The following CDK11B variants were observed in gnomAD, a reference collection of about 807,000 sequenced individuals.
The protein encoded by CDK11B is cyclin dependent kinase 11B, also known as cyclin-dependent kinase 11B.
A neutral mutation model predicts 84.0 loss-of-function variants in CDK11B; 37 were observed. That is an observed-to-expected ratio of 0.44 (90% CI 0.34 to 0.58). The LOEUF is 0.58. CDK11B is among the 20% of genes least tolerant of loss of function. CDK11B has a pLI of 0.02. For synonymous variants in CDK11B, 269 were observed against 309.8 expected, an observed-to-expected ratio of 0.87 and a Z score of 1.38; for missense variants, 427 against 834.0, an observed-to-expected ratio of 0.51 and a Z score of 6.01.
chr1:1,636,793 G>C lies in CDK11B; in HGVS notation c.1806C>G (p.Tyr602Ter), dbSNP rs776784906. Residue 602 changes from tyrosine (Y) to a stop codon, truncating the protein, a stop_gained, in exon 17 of 20, where the codon TAC becomes TAG. Coordinates refer to ENST00000341832, the MANE Select transcript of CDK11B (RefSeq NM_033486.3). LOFTEE classifies it high-confidence loss of function. ...APELLLGAKE[Y>*]STAVDMWSVG... ...CTGACCACATGTCCACGGCCGTGGAGTATTCCTAAGAGGTCAGGAGAGGTG... is the reference window on the plus strand; with the variant it reads ...CTGACCACATGTCCACGGCCGTGGACTATTCCTAAGAGGTCAGGAGAGGTG... The C allele has an allele frequency of 6.2e-7, 1 of 1,613,900 alleles. No homozygotes were observed. Among genetic ancestry groups the C allele is most frequent in the Admixed American group, 1.7e-5 (1 of 60,014 alleles).
At chr1:1,653,810 C>T (rs1237881851) in intron 3 of CDK11B, among the ~76,000 whole-genome samples, 3 of 137,072 alleles carry the variant, frequency 2.2e-5, no homozygotes, top group Non-Finnish European at 4.6e-5. Context: ...CAGTGAAATC[C>T]GTCTCTACTA....
intron 2 of CDK11B, among the ~76,000 whole-genome samples, chr1:1,656,041 G>C (rs998960679): frequency 2.0e-5 from 3 of 152,182 alleles, no homozygotes; most frequent in African/African-American, 7.2e-5. Context: ...GCTTATATGA[G>C]CCAAAAATGA....
At chr1:1,637,286 A>T in intron 14 of CDK11B, 84 bp from the exon 15 acceptor site, 3 of 1,578,922 alleles carry the variant, frequency 1.9e-6, no homozygotes, top group Non-Finnish European at 2.6e-6. Flanking sequence ...CGGCAGCAAC[A>T]GAGGCTTCTC....
intron 5 of CDK11B, among the ~76,000 whole-genome samples, chr1:1,647,331 T>C (rs1641293523): frequency 6.6e-6 from 1 of 152,298 alleles, no homozygotes; most frequent in South Asian, 2.1e-4. Flanking sequence ...TTTGTAGCAA[T>C]TCTGGATTCT....
chr1:1,654,921 G>A (rs1642537654), intron 3 of CDK11B, among the ~76,000 whole-genome samples: 1 of 151,796 alleles, frequency 6.6e-6, no homozygotes, highest in Non-Finnish European at 1.5e-5. Context: ...GCCTCCCAAA[G>A]TGCTGGGATT....
chr1:1,637,331 G>C (rs2100674394), intron 14 of CDK11B, 77 bp downstream of exon 14: 1 of 1,573,386 alleles, frequency 6.4e-7, no homozygotes, highest in South Asian at 1.1e-5. Flanking sequence ...GGCCCTCCCT[G>C]CAGCACTGTC....
In CDK11B at chr1:1,655,442, C is replaced by G; in HGVS notation, c.154G>C (p.Glu52Gln). 1 of 1,612,788 alleles carries G rather than the reference C, an allele frequency of 6.2e-7. No individual in the cohort carries two copies. The highest frequency in any genetic ancestry group is 8.5e-7 in the Non-Finnish European group (1 of 1,178,944). The change falls in exon 3 of 20, where the codon GAG becomes CAG. Residue 52 changes from glutamate to glutamine, a missense_variant. Around this residue, in one of 12 missense-constraint regions of CDK11B, gnomAD observed 57 missense variants for 62.2 expected, o/e 0.92. Transcript: ENST00000341832. ...ATCTCCATGCGGTGATCTCTCAGCTCCCCCTCCTCAAGGGAATCCCGCTTG... is the reference window on the plus strand; with the variant it reads ...ATCTCCATGCGGTGATCTCTCAGCTGCCCCTCCTCAAGGGAATCCCGCTTG... Reference protein sequence around the residue: ...DSKRDSLEEGELRDHRMEITI... With the variant: ...DSKRDSLEEGQLRDHRMEITI...
At position 1,649,448 on chromosome 1, in the gene CDK11B, C is replaced by T. The variant is rs1267187199; in HGVS notation, c.494+51G>A. The T allele has an allele frequency of 4.5e-6, 6 of 1,323,790 alleles. No homozygotes were observed. The East Asian group carries it at 1.4e-4, about 30-fold the overall frequency. 82.0% of individuals were successfully genotyped at this position (1,323,790 alleles called of 1,614,324 possible). ...ATTCTTCTTCATTTCTAGGATGGGA[C>T]ACACTACCACAGCCCTTTTATAAAG... On this transcript the variant is annotated intron_variant, in intron 5 of 19. Transcript: ENST00000341832.
rs928000775 is a variant in CDK11B at position 1,655,600 on chromosome 1, A to G, written c.112-116T>C. On this transcript the variant is annotated intron_variant, in intron 2 of 19. Coordinates refer to ENST00000341832, the MANE Select transcript of CDK11B (RefSeq NM_033486.3). ...AACATCCCAAAACAAACTTTCATAT[A>G]TACTCTGAATGAGCCAGTGTTATAA... The G allele has an allele frequency of 4.9e-5, 68 of 1,394,696 alleles. 2 individuals carry two copies. Among genetic ancestry groups the G allele is most frequent in the Admixed American group, 1.1e-4 (4 of 37,844 alleles). 86.4% of individuals were successfully genotyped at this position (1,394,696 alleles called of 1,614,324 possible).
In CDK11B at chr1:1,637,179, G is replaced by A. The variant is rs1271422192; in HGVS notation, c.1594C>T (p.Gln532Ter). 1.9e-6 allele frequency: 3 copies of A among 1,613,402 alleles called. No homozygotes were observed. Among genetic ancestry groups the A allele is most frequent in the Non-Finnish European group, 2.5e-6 (3 of 1,179,854 alleles). ...AGGTGTTTCACCCCACGCAGCAGCTGGATCATCAGGGTCTTCACCTCCCCT... is the reference window on the plus strand; with the variant it reads ...AGGTGTTTCACCCCACGCAGCAGCTAGATCATCAGGGTCTTCACCTCCCCT... ...LPGEVKTLMIQLLRGVKHLHD... is the reference protein window; with the variant it reads ...LPGEVKTLMI The change falls in exon 15 of 20, where the codon CAG (glutamine) becomes TAG (stop). Residue 532 changes from glutamine (Q) to a stop codon, truncating the protein, a stop_gained. Transcript: ENST00000341832. LOFTEE classifies it high-confidence loss of function.
chr1:1,637,209 G>T lies in CDK11B; in HGVS notation c.1571-7C>A, dbSNP rs1468233879. 6.2e-7 allele frequency: 1 copy of T among 1,612,896 alleles called. No homozygotes were observed. The highest frequency in any genetic ancestry group is 1.3e-5 in the African/African-American group (1 of 74,890). On this transcript the variant is annotated splice_polypyrimidine_tract_variant and splice_region_variant and intron_variant, in intron 14 of 19. Transcript: ENST00000341832. ...ATCAGGGTCTTCACCTCCCCTGGGA[G>T]GGAGGGAAGCTCCCATGTGGACCTG...
At chr1:1,639,714 C>G (rs1189576008) in intron 11 of CDK11B, among the ~76,000 whole-genome samples, 2 of 152,002 alleles carry the variant, frequency 1.3e-5, no homozygotes, top group Non-Finnish European at 2.9e-5. Flanking sequence ...CCCACAGGCA[C>G]CAAGGAGGGG....
intron 12 of CDK11B, among the ~76,000 whole-genome samples, chr1:1,638,087 CCA>C (rs545690611): frequency 5.6e-4 from 86 of 152,262 alleles, no homozygotes; most frequent in African/African-American, 2.0e-3. Context: ...ACTCAACACA[CCA>C]CAGACACTCA....
chr1:1,658,522 A>G (rs2101055398), intron 1 of CDK11B, among the ~76,000 whole-genome samples: 1 of 145,842 alleles, frequency 6.9e-6, no homozygotes, highest in East Asian at 2.0e-4. Context: ...CCTGCCACTC[A>G]TCAAACACTG....
At chr1:1,644,963 AGCCTGGG>A (rs1326519859) in intron 6 of CDK11B, among the ~76,000 whole-genome samples, 156 bp downstream of exon 6, 4,493 of 148,204 alleles carry the variant, frequency 0.03, 192 homozygotes, top group African/African-American at 0.11. Flanking sequence ...ACCGCACTCC[AGCCTGGG>A]GGACAAGAGC....
rs752740049 is a variant in CDK11B at position 1,655,427 on chromosome 1, G to A, written c.169C>T (p.Arg57Cys). The A allele has an allele frequency of 9.3e-6, 15 of 1,613,146 alleles. No individual in the cohort carries two copies. Among genetic ancestry groups the A allele is most frequent in the African/African-American group, 1.3e-5 (1 of 74,874 alleles). The change falls in exon 3 of 20, where the codon CGC becomes TGC. Residue 57 changes from arginine to cysteine, a missense_variant. Arg to Cys is a radical substitution (Grantham distance 180). Coordinates refer to ENST00000341832, the MANE Select transcript of CDK11B (RefSeq NM_033486.3). ...SLEEGELRDH[R>C]MEITIRNSPY... ...GAGTTCCTTATTGTGATCTCCATGC[G>A]GTGATCTCTCAGCTCCCCCTCCTCA...
intron 5 of CDK11B, chr1:1,646,464 T>C (rs1389982605): frequency 1.9e-6 from 1 of 518,236 alleles, no homozygotes; most frequent in East Asian, 5.4e-5. Flanking sequence ...CTTTATTCCC[T>C]GTCTTCTTTG....
At chr1:1,652,097 A>C (rs1642094154) in intron 4 of CDK11B, among the ~76,000 whole-genome samples, 1 of 147,472 alleles carries the variant, frequency 6.8e-6, no homozygotes, top group Non-Finnish European at 1.5e-5. Flanking sequence ...ACGGTCTGTG[A>C]CACATGCATG....
rs1455472014 is a variant in CDK11B at position 1,643,559 on chromosome 1, T to TA, written c.632-1052dup. Among the ~76,000 whole-genome samples the TA allele has an allele frequency of 7.5e-5, 11 of 147,486 alleles. No individual in the cohort carries two copies. In the East Asian group the frequency reaches 7.8e-4, roughly 10 times the overall value. On this transcript the variant is annotated intron_variant, in intron 6 of 19. Transcript: ENST00000341832. ...TCCCAAAGACTTTAGGGAACTGTCT[T>TA]AACCTTCAGTTCCTCAGAGAACGAA...
Sources: allele counts gnomAD v4.1 joint callset (sites outside exome capture counted in the v4.1 genomes callset), GRCh38; gene constraint gnomAD v4.1.1; regional missense constraint gnomAD v4.1.1; transcripts MANE v1.5; gene names NCBI Gene and HGNC (gene_info 2026-07-23, HGNC 2026-07-21).